Variants in PIEZO2 observed in about 807,000 individuals in gnomAD.
PIEZO2 encodes the protein piezo-type mechanosensitive ion channel component 2.
A neutral mutation model predicts 337.3 loss-of-function variants in PIEZO2; 172 were observed. The observed-to-expected ratio is 0.51, with a 90% confidence interval of 0.45 to 0.58. The LOEUF is 0.58. Among genes scored for constraint, PIEZO2 ranks in the 20% least tolerant of loss-of-function variants. PIEZO2 has a pLI of 0.00. For missense variants in PIEZO2, 3,028 were observed against 3,391.3 expected (o/e 0.89, Z 2.66); for synonymous variants, 1,251 against 1,228.5 (o/e 1.02, Z -0.38).
rs1410491148 is a variant in PIEZO2, at chr18:11,097,797, G to C, written c.65-31575C>G. ...GATATATATTCCTAAATCAGAAAAA[G>C]TCTACCCACTGGGCTGTTTTCTAAA... is the stretch of plus-strand genomic sequence containing the variant. On this transcript the variant is annotated intron_variant, in intron 1 of 55. Coordinates refer to ENST00000674853, the MANE Select transcript of PIEZO2 (RefSeq NM_001378183.1). This position sits in a 1 kb window ranked among gnomAD's most constrained non-coding sequence, Gnocchi z 5.0. 1.3e-5 allele frequency among the ~76,000 whole-genome samples: 2 copies of C among 152,116 alleles called. No individual in the cohort carries two copies. Among genetic ancestry groups the C allele is most frequent in the Non-Finnish European group, 2.9e-5 (2 of 67,998 alleles).
intron 7 of PIEZO2, among the ~76,000 whole-genome samples, chr18:10,848,807 T>C (rs1010252314): frequency 1.3e-5 from 2 of 152,186 alleles, no homozygotes; most frequent in African/African-American, 2.4e-5. Flanking sequence ...TGTTCATTAG[T>C]AGGATCTAGA....
chr18:10,775,517 C>G lies in PIEZO2; in HGVS notation c.2535-1479G>C, dbSNP rs983827251. ...TGAATCTTAAAGGTCTACATTGACA[C>G]TGCTGCAATCTCATACGACAAGAAA... is the stretch of plus-strand genomic sequence containing the variant. On this transcript the variant is annotated intron_variant, in intron 18 of 55. Coordinates refer to ENST00000674853, the MANE Select transcript of PIEZO2 (RefSeq NM_001378183.1). The surrounding 1 kb of genome is among the most constrained non-coding windows in gnomAD (Gnocchi z 4.3). Among the ~76,000 whole-genome samples the G allele has an allele frequency of 3.9e-5, 6 of 152,186 alleles. No individual in the cohort carries two copies. Among genetic ancestry groups the G allele is most frequent in the Non-Finnish European group, 8.8e-5 (6 of 68,046 alleles).
intron 36 of PIEZO2, chr18:10,725,517 G>C (rs2036499086): frequency 7.1e-7 from 1 of 1,417,576 alleles, no homozygotes; most frequent in Non-Finnish European, 9.6e-7. Context: ...TGGGAGCTGG[G>C]AGTCGTGGGA....
chr18:11,093,959 T>C (rs990619913), intron 1 of PIEZO2, among the ~76,000 whole-genome samples: 2 of 149,134 alleles, frequency 1.3e-5, no homozygotes, highest in Admixed American at 6.7e-5. Flanking sequence ...TTTTCAACTG[T>C]GATAATTTGT....
chr18:11,097,750 A>G lies in PIEZO2; in HGVS notation c.65-31528T>C, dbSNP rs534703888. On this transcript the variant is annotated intron_variant, in intron 1 of 55. Coordinates refer to ENST00000674853, the MANE Select transcript of PIEZO2 (RefSeq NM_001378183.1). The surrounding 1 kb of genome is among the most constrained non-coding windows in gnomAD (Gnocchi z 5.0). ...GAAAGATTACTTTGTAATGAAATGT[A>G]TGGAAATACTGTTGTATGGTAGATA... is the stretch of plus-strand genomic sequence containing the variant. 1.1e-4 allele frequency among the ~76,000 whole-genome samples: 16 copies of G among 152,216 alleles called. No homozygotes were observed. Among genetic ancestry groups the G allele is most frequent in the Non-Finnish European group, 2.1e-4 (14 of 68,038 alleles).
intron 4 of PIEZO2, among the ~76,000 whole-genome samples, chr18:10,905,375 G>A (rs1024823339): frequency 2.0e-5 from 3 of 152,038 alleles, no homozygotes; most frequent in South Asian, 2.1e-4. Flanking sequence ...CCTGAGGTCC[G>A]GAGTTTGAGA....
In PIEZO2 at chr18:11,143,627, A is replaced by ACTCTCT. The variant is rs1448983282; in HGVS notation, c.64+4897_64+4898insAGAGAG. Among the ~76,000 whole-genome samples the ACTCTCT allele has an allele frequency of 3.0e-4, 32 of 107,910 alleles. No homozygotes were observed. Among genetic ancestry groups the ACTCTCT allele is most frequent in the East Asian group, 6.0e-4 (2 of 3,328 alleles). 70.8% of individuals were successfully genotyped at this position (107,910 alleles called of 152,430 possible). On this transcript the variant is annotated intron_variant, in intron 1 of 55. Transcript: ENST00000674853. The surrounding 1 kb of genome is among the most constrained non-coding windows in gnomAD (Gnocchi z 4.9). ...CACACACACACACACACACACACAC[A>ACTCTCT]CACACACACACACTCTCTCTCTCTC...
intron 2 of PIEZO2, among the ~76,000 whole-genome samples, chr18:11,000,568 C>G (rs1207954040): frequency 6.6e-6 from 1 of 152,166 alleles, no homozygotes; most frequent in Non-Finnish European, 1.5e-5. Context: ...TTTCCTCCTT[C>G]TAAATGCATC....
chr18:10,739,098 T>C (rs2037119876), intron 33 of PIEZO2: 1 of 152,210 alleles, frequency 6.6e-6, no homozygotes, highest in Admixed American at 6.5e-5. Context: ...TACTTCCAGA[T>C]CTAAAGATAA....
intron 2 of PIEZO2, among the ~76,000 whole-genome samples, chr18:11,042,984 CA>C (rs1171556411): frequency 6.6e-6 from 1 of 151,974 alleles, no homozygotes; most frequent in South Asian, 2.1e-4. Flanking sequence ...ATATATTATC[CA>C]AAAAAATTGT....
intron 4 of PIEZO2, among the ~76,000 whole-genome samples, chr18:10,876,176 C>T (rs962340050): frequency 6.6e-6 from 1 of 152,102 alleles, no homozygotes; most frequent in African/African-American, 2.4e-5. Context: ...AATGCCAGTC[C>T]TCAGAAATGC....
chr18:10,812,607 G>T (rs2040229553), intron 7 of PIEZO2, among the ~76,000 whole-genome samples: 1 of 152,166 alleles, frequency 6.6e-6, no homozygotes, highest in African/African-American at 2.4e-5. Context: ...GCAGCACTGT[G>T]ATGAGTCTTC....
chr18:10,889,604 A>T (rs11080465), intron 4 of PIEZO2, among the ~76,000 whole-genome samples: 5,026 of 152,290 alleles, frequency 0.033, 285 homozygotes, highest in African/African-American at 0.12. Flanking sequence ...GATTGTCCCC[A>T]AAATCCCAAC....
At chr18:10,886,380 G>GTATATATATATATA (rs1173330460) in intron 4 of PIEZO2, among the ~76,000 whole-genome samples, 3 of 3,040 alleles carry the variant, frequency 9.9e-4, no homozygotes, top group Non-Finnish European at 1.3e-3. Context: ...GTGTGTGTGT[G>GTATATATATATATA]TATATATATA....
At position 11,048,651 on chromosome 18, in the gene PIEZO2, C is replaced by A. The variant is rs555573277; in HGVS notation, c.160+17476G>T. On this transcript the variant is annotated intron_variant, in intron 2 of 55. Transcript: ENST00000674853. The surrounding 1 kb of genome is among the most constrained non-coding windows in gnomAD (Gnocchi z 4.5). ...TATTTATATTAGAAGCTTTCACTCA[C>A]TGAATCAATTTTTAAAAATGATAGT... 1.5e-4 allele frequency among the ~76,000 whole-genome samples: 23 copies of A among 152,328 alleles called. No homozygotes were observed. The highest frequency in any genetic ancestry group is 3.9e-4 in the Admixed American group (6 of 15,306).
At position 10,953,998 on chromosome 18, in the gene PIEZO2, TG is replaced by T. The variant is rs1372957185; in HGVS notation, c.286+25536del. On this transcript the variant is annotated intron_variant, in intron 3 of 55. Coordinates refer to ENST00000674853, the MANE Select transcript of PIEZO2 (RefSeq NM_001378183.1). This position sits in a 1 kb window ranked among gnomAD's most constrained non-coding sequence, Gnocchi z 5.2. Reference sequence around the variant, plus strand: ...TGGTTCAGCACAGGGTCACATCTGCTGAAAGCAGGGAACTCACAATATGGCC... The same window carrying T: ...TGGTTCAGCACAGGGTCACATCTGCTAAAGCAGGGAACTCACAATATGGCC... 6.6e-6 allele frequency among the ~76,000 whole-genome samples: 1 copy of T among 152,202 alleles called. No individual in the cohort carries two copies. Among genetic ancestry groups the T allele is most frequent in the African/African-American group, 2.4e-5 (1 of 41,456 alleles).
chr18:11,086,845 A>G (rs1183846852), intron 1 of PIEZO2, among the ~76,000 whole-genome samples: 4 of 152,194 alleles, frequency 2.6e-5, no homozygotes, highest in Admixed American at 1.3e-4. Context: ...TCAACCTCCA[A>G]GGTTTTTTTC....
intron 21 of PIEZO2, among the ~76,000 whole-genome samples, chr18:10,765,842 G>A (rs1307332830): frequency 6.6e-6 from 1 of 152,092 alleles, no homozygotes; most frequent in Admixed American, 6.5e-5. Flanking sequence ...GGTGGGAAGG[G>A]CGGGATGAGT....
Position 10,673,341 on chromosome 18 carries a change from CTG to C in PIEZO2, c.8162-470_8162-469del, listed in dbSNP as rs2033861314. On this transcript the variant is annotated intron_variant, in intron 54 of 55. Coordinates refer to ENST00000674853, the MANE Select transcript of PIEZO2 (RefSeq NM_001378183.1). The surrounding 1 kb of genome is among the most constrained non-coding windows in gnomAD (Gnocchi z 4.8). ...TGTTCCTTATCTCCATGGGAAAAGA[CTG>C]TATACACAAGCACAATTTATGGGCA... Among the ~76,000 whole-genome samples the C allele has an allele frequency of 6.6e-6, 1 of 152,208 alleles. No homozygotes were observed. Among genetic ancestry groups the C allele is most frequent in the Admixed American group, 6.5e-5 (1 of 15,284 alleles).
Sources: allele counts gnomAD v4.1 joint callset (sites outside exome capture counted in the v4.1 genomes callset), GRCh38; gene constraint gnomAD v4.1.1; non-coding constraint Gnocchi (gnomAD v3.1); transcripts MANE v1.5; gene names NCBI Gene and HGNC (gene_info 2026-07-23, HGNC 2026-07-21).